Variants in DMRT1 observed in about 807,000 individuals in gnomAD.
DMRT1 encodes doublesex- and mab-3-related transcription factor 1.
A neutral mutation model predicts 32.3 loss-of-function variants in DMRT1; 7 were observed. The observed-to-expected ratio is 0.22, with a 90% CI of 0.12 to 0.41. The LOEUF (loss-of-function observed/expected upper bound fraction) is 0.41, where lower values mean the gene tolerates loss of function less well. Among genes scored for constraint, DMRT1 ranks in the 10% least tolerant of loss-of-function variants. The probability of loss-of-function intolerance (pLI) is 1.00; values close to 1 mark genes in which losing one functional copy is unlikely to be tolerated. For missense variants in DMRT1, 625 were observed against 500.5 expected (o/e 1.25, Z -2.37); for synonymous variants, 278 against 206.1 (o/e 1.35, Z -2.99).
chr9:952,877 G>A (rs756103898), intron 4 of DMRT1, among the ~76,000 whole-genome samples: 3 of 152,286 alleles, frequency 2.0e-5, no homozygotes, highest in South Asian at 2.1e-4. Context: ...AAATGTTGGC[G>A]TGTTGGTTAG....
chr9:886,565 C>G (rs182621174), intron 2 of DMRT1, among the ~76,000 whole-genome samples: 2 of 152,016 alleles, frequency 1.3e-5, no homozygotes, highest in Admixed American at 1.3e-4. Context: ...CAAACTGTCA[C>G]TTCTTACTGT....
rs754699949 is a variant in DMRT1 at position 841,828 on chromosome 9, C to T, written c.-11C>T. 12 of 1,606,640 alleles carry T rather than the reference C, an allele frequency of 7.5e-6. No individual in the cohort carries two copies. The South Asian group carries it at 1.3e-4, about 18-fold the overall frequency. ...GGGGGCCAGAGTGCTCGCACTTCTC[C>T]TAGGGGCACCATGCCCAACGACGAG... On this transcript the variant is annotated 5_prime_UTR_variant, in exon 1 of 5. Transcript: ENST00000382276.
rs904851059 is a variant in DMRT1 at position 927,363 on chromosome 9, C to G, written c.967+10456C>G. The stretch of plus-strand genomic sequence containing the variant: ...GGCGGTGAAGTGTTCTTCATAAAAA[C>G]CAGCTCAGTGTGAAATACACCTCGC... On this transcript the variant is annotated intron_variant, in intron 4 of 4. Coordinates refer to ENST00000382276, the MANE Select transcript of DMRT1 (RefSeq NM_021951.3). 5.3e-5 allele frequency among the ~76,000 whole-genome samples: 8 copies of G among 152,354 alleles called. No individual in the cohort carries two copies. In the South Asian group the frequency reaches 1.7e-3, roughly 32 times the overall value.
intron 4 of DMRT1, among the ~76,000 whole-genome samples, chr9:932,671 A>G (rs1818762841): frequency 1.3e-5 from 2 of 152,060 alleles, no homozygotes; most frequent in South Asian, 2.1e-4. Context: ...AACTGCCCCC[A>G]TTTTAGGCTC....
At chr9:901,851 C>G (rs1586591579) in intron 3 of DMRT1, among the ~76,000 whole-genome samples, 1 of 151,860 alleles carries the variant, frequency 6.6e-6, no homozygotes, top group South Asian at 2.1e-4. Context: ...AGATAACACC[C>G]TCACTCCAAG....
chr9:906,191 A>G (rs1817771477), intron 3 of DMRT1, among the ~76,000 whole-genome samples: 1 of 152,158 alleles, frequency 6.6e-6, no homozygotes. Context: ...CCTGCCACCC[A>G]CAAGTTGAGT....
At chr9:939,019 C>T (rs1200124296) in intron 4 of DMRT1, among the ~76,000 whole-genome samples, 2 of 152,218 alleles carry the variant, frequency 1.3e-5, no homozygotes, top group African/African-American at 2.4e-5. Context: ...CCACCCCTGC[C>T]TTCACTGGTT....
intron 4 of DMRT1, among the ~76,000 whole-genome samples, chr9:930,055 T>C (rs774979656): frequency 6.6e-6 from 1 of 152,148 alleles, no homozygotes; most frequent in Non-Finnish European, 1.5e-5. Context: ...CTGGTTGAAG[T>C]CTTCCTCATA....
intron 4 of DMRT1, among the ~76,000 whole-genome samples, chr9:921,231 G>T (rs4742562): frequency 0.039 from 5,966 of 152,134 alleles, 338 homozygotes; most frequent in East Asian, 0.17. Flanking sequence ...TTCTGGAATG[G>T]AATCTCATAA....
At position 857,971 on chromosome 9, in the gene DMRT1, GC is replaced by G. The variant is rs561389379; in HGVS notation, c.538+10829del. On this transcript the variant is annotated intron_variant, in intron 2 of 4. Coordinates refer to ENST00000382276, the MANE Select transcript of DMRT1 (RefSeq NM_021951.3). Reference sequence around the variant, plus strand: ...GGACATGAACTCATCCTTTTTTATGGCTGCATAGTATTCCATGGTGTATATG... The same window carrying G: ...GGACATGAACTCATCCTTTTTTATGGTGCATAGTATTCCATGGTGTATATG... Among the ~76,000 whole-genome samples the G allele has an allele frequency of 1.5e-4, 23 of 151,808 alleles. No homozygotes were observed. In the South Asian group the frequency reaches 4.6e-3, roughly 30 times the overall value.
intron 4 of DMRT1, among the ~76,000 whole-genome samples, chr9:944,101 A>C: frequency 6.6e-6 from 1 of 152,190 alleles, no homozygotes; most frequent in East Asian, 1.9e-4. Flanking sequence ...CCTGACTGTA[A>C]GTTGGAGGTG....
intron 4 of DMRT1, among the ~76,000 whole-genome samples, chr9:925,578 C>T (rs1818495480): frequency 6.6e-6 from 1 of 152,182 alleles, no homozygotes; most frequent in South Asian, 2.1e-4. Context: ...GAGGAGCCAG[C>T]CTACGAACTC....
intron 2 of DMRT1, among the ~76,000 whole-genome samples, chr9:882,181 C>T (rs549858472): frequency 6.6e-6 from 1 of 152,302 alleles, no homozygotes; most frequent in South Asian, 2.1e-4. Context: ...GAAGTGGGAT[C>T]CTCCTAACTT....
intron 2 of DMRT1, among the ~76,000 whole-genome samples, chr9:871,165 C>T (rs1311390031): frequency 6.6e-6 from 1 of 151,870 alleles, no homozygotes; most frequent in African/African-American, 2.4e-5. Flanking sequence ...GCCTGAGTAG[C>T]TGGGACTACA....
chr9:873,460 C>G (rs1439839570), intron 2 of DMRT1, among the ~76,000 whole-genome samples: 2 of 151,944 alleles, frequency 1.3e-5, no homozygotes, highest in African/African-American at 4.8e-5. Context: ...TGCCTGCCAC[C>G]ACGCCCAGCT....
At chr9:913,964 C>G (rs939446873) in intron 3 of DMRT1, among the ~76,000 whole-genome samples, 1 of 152,082 alleles carries the variant, frequency 6.6e-6, no homozygotes, top group African/African-American at 2.4e-5. Flanking sequence ...GGAAGGATCA[C>G]GTATTCTAGT....
At chr9:856,324 T>C (rs983483674) in intron 2 of DMRT1, among the ~76,000 whole-genome samples, 75 of 152,204 alleles carry the variant, frequency 4.9e-4, no homozygotes, top group Admixed American at 1.3e-3. Context: ...TTCAGTGTTT[T>C]TTAGTAAATT....
chr9:851,234 T>TTTTA (rs1337984040), intron 2 of DMRT1, among the ~76,000 whole-genome samples: 1 of 152,030 alleles, frequency 6.6e-6, no homozygotes, highest in Non-Finnish European at 1.5e-5. Context: ...TTTAGTCAAC[T>TTTTA]TTTATTTATT....
chr9:946,371 T>C (rs560136400), intron 4 of DMRT1, among the ~76,000 whole-genome samples: 3 of 152,146 alleles, frequency 2.0e-5, no homozygotes, highest in African/African-American at 7.2e-5. Flanking sequence ...CTAGTGGTGG[T>C]TTTTATTTCC....
Sources: gnomAD v4.1 joint callset for allele counts (sites outside exome capture counted in the v4.1 genomes callset) on GRCh38, gnomAD v4.1.1 for gene constraint, MANE v1.5 for transcripts, NCBI Gene and HGNC (gene_info 2026-07-23, HGNC 2026-07-21) for gene names.